The following CRYBG3 variants were observed in gnomAD, a reference collection of about 807,000 sequenced individuals.
The protein encoded by CRYBG3 is very large A-kinase anchor protein.
CRYBG3 carries 127 observed loss-of-function variants against 244.2 expected under a neutral mutation model. The ratio of observed to expected loss-of-function variants is 0.52; its 90% confidence interval spans 0.45 to 0.60. The LOEUF (loss-of-function observed/expected upper bound fraction) is 0.60. Ranked by LOEUF, CRYBG3 falls within the 20% of genes least tolerant of loss-of-function variation. CRYBG3 has a pLI of 0.00. For missense variants in CRYBG3, 3,325 were observed against 3,442.5 expected (o/e 0.97, Z 0.85); for synonymous variants, 1,132 against 1,195.8 (o/e 0.95, Z 1.10).
intron 10 of CRYBG3, among the ~76,000 whole-genome samples, chr3:97,891,023 T>G (rs2039569679): frequency 6.6e-6 from 1 of 152,192 alleles, no homozygotes; most frequent in African/African-American, 2.4e-5. Flanking sequence ...TAATTTCTTA[T>G]TTTTTAGGAA....
intron 6 of CRYBG3, among the ~76,000 whole-genome samples, 179 bp downstream of exon 6, chr3:97,880,279 A>G (rs1168902058): frequency 2.0e-5 from 3 of 152,142 alleles, no homozygotes; most frequent in East Asian, 1.9e-4. Flanking sequence ...TTTATTTACT[A>G]TGGCATAAAA....
chr3:97,908,327 G>T (rs914912077), intron 15 of CRYBG3, among the ~76,000 whole-genome samples: 3 of 152,156 alleles, frequency 2.0e-5, no homozygotes, highest in African/African-American at 7.2e-5. Context: ...TCGTTGATCT[G>T]TCTAATGTTG....
Position 97,822,078 on chromosome 3 carries a change from C to T in CRYBG3, c.-129C>T. ...TTCTCCTGCCCGAGAGAGACTGAGC[C>T]GCGCTGGCAGCTCGCGTCGAGTCGG... On this transcript the variant is annotated 5_prime_UTR_variant, in exon 1 of 22. Coordinates refer to ENST00000389622, the MANE Select transcript of CRYBG3 (RefSeq NM_153605.4). 1 of 730,192 alleles carries T rather than the reference C, an allele frequency of 1.4e-6. No homozygotes were observed. Among genetic ancestry groups the T allele is most frequent in the Non-Finnish European group, 1.9e-6 (1 of 515,582 alleles). 45.2% of individuals were successfully genotyped at this position (730,192 alleles called of 1,614,324 possible).
rs746493073 is a variant in CRYBG3, at chr3:97,877,875, T to C, written c.6681T>C (p.Ser2227=). The C allele has an allele frequency of 1.2e-6, 2 of 1,614,132 alleles. No individual in the cohort carries two copies. The highest frequency in any genetic ancestry group is 2.2e-5 in the South Asian group (2 of 91,068). Residue 2227 remains serine (S), a synonymous_variant, in exon 4 of 22, where the codon TCT becomes TCC. Coordinates refer to ENST00000389622, the MANE Select transcript of CRYBG3 (RefSeq NM_153605.4). Reference sequence around the variant, plus strand: ...TTCTCCAGAAATCTGACCTTACTTCTAAACTACATTCTTCTTTAAAGAGTG... The same window carrying C: ...TTCTCCAGAAATCTGACCTTACTTCCAAACTACATTCTTCTTTAAAGAGTG... ...TSFLQKSDLT[S]KLHSSLKSAY...
intron 8 of CRYBG3, 72 bp from the exon 9 acceptor site, chr3:97,888,269 A>T: frequency 1.2e-6 from 1 of 867,070 alleles, no homozygotes; most frequent in Non-Finnish European, 1.8e-6. Flanking sequence ...TTATTTTGGT[A>T]GCCCTTTTTA....
Position 97,879,734 on chromosome 3 carries a change from C to A in CRYBG3, c.6874C>A (p.Pro2292Thr). Residue 2292 changes from proline (P) to threonine (T), a missense_variant, in exon 5 of 22, where the codon CCA (proline) becomes ACA (threonine). Pro to Thr is a conservative substitution (Grantham distance 38). This residue lies in a region of CRYBG3 where 714 missense variants were observed against 803.6 expected (regional missense o/e 0.89). Transcript: ENST00000389622. ...NVDKQTLRCN[P>T]RPGKMVIYDL... is the part of the protein sequence containing the mutation. ...TGACAAACAAACTCTGAGATGTAAC[C>A]CAAGACCTGGGAAGGTAAGGATAAC... 6.2e-7 allele frequency: 1 copy of A among 1,601,696 alleles called. No homozygotes were observed. The highest frequency in any genetic ancestry group is 1.1e-5 in the South Asian group (1 of 88,044).
Position 97,876,476 on chromosome 3 carries a change from A to G in CRYBG3, c.5282A>G (p.Glu1761Gly). The G allele has an allele frequency of 8.1e-7, 1 of 1,232,124 alleles. No individual in the cohort carries two copies. The highest frequency in any genetic ancestry group is 1.0e-6 in the Non-Finnish European group (1 of 987,948). 76.3% of individuals were successfully genotyped at this position (1,232,124 alleles called of 1,614,324 possible). ...GKTEVMPLAL[E>G]VVNTYQKNAK... Reference sequence around the variant, plus strand: ...ACTGAGGTGATGCCCCTTGCATTAGAGGTAGTAAATACTTACCAAAAAAAT... The same window carrying G: ...ACTGAGGTGATGCCCCTTGCATTAGGGGTAGTAAATACTTACCAAAAAAAT... The change falls in exon 4 of 22, where the codon GAG becomes GGG. Residue 1761 changes from glutamate (E) to glycine (G), a missense_variant. Around this residue, in one of 4 missense-constraint regions of CRYBG3, gnomAD observed 635 missense variants for 771.7 expected, o/e 0.82. Transcript: ENST00000389622.
chr3:97,942,172 GAC>G (rs975957491), intron 20 of CRYBG3, 110 bp from the exon 21 acceptor site: 55 of 835,012 alleles, frequency 6.6e-5, no homozygotes, highest in South Asian at 7.9e-5. Context: ...TTTTAGATAA[GAC>G]ACACACACAC....
rs769036961 is a variant in CRYBG3, at chr3:97,899,301, T to TAATA, written c.7971+39_7971+42dup. On this transcript the variant is annotated intron_variant, in intron 14 of 21. Transcript: ENST00000389622. ...TGAACATAGCCAGTGCTGCATCATG[T>TAATA]AATAGTATGCAATTAAATATGTGGA... The TAATA allele has an allele frequency of 9.5e-5, 150 of 1,582,768 alleles. 1 individual carries two copies. In the South Asian group the frequency reaches 1.5e-3, roughly 16 times the overall value.
intron 1 of CRYBG3, among the ~76,000 whole-genome samples, chr3:97,832,734 T>A (rs2038671759): frequency 6.6e-6 from 1 of 152,042 alleles, no homozygotes; most frequent in Non-Finnish European, 1.5e-5. Context: ...CTAATTAAAC[T>A]AAAGAGCTTC....
At chr3:97,901,842 G>A (rs1051427611) in intron 15 of CRYBG3, among the ~76,000 whole-genome samples, 2 of 152,092 alleles carry the variant, frequency 1.3e-5, no homozygotes, top group Non-Finnish European at 2.9e-5. Context: ...TTGAAGAGAG[G>A]AAGCAGCAGA....
At chr3:97,910,089 G>A (rs528030250) in intron 15 of CRYBG3, among the ~76,000 whole-genome samples, 1 of 151,832 alleles carries the variant, frequency 6.6e-6, no homozygotes, top group East Asian at 1.9e-4. Flanking sequence ...CCCACTTGAG[G>A]AGGCAGTCTG....
At chr3:97,868,466 T>C (rs1045032742) in intron 3 of CRYBG3, among the ~76,000 whole-genome samples, 2 of 152,164 alleles carry the variant, frequency 1.3e-5, no homozygotes, top group African/African-American at 4.8e-5. Context: ...GCTGAACTTG[T>C]CACTTTGATT....
In CRYBG3 at chr3:97,877,345, C is replaced by T. The variant is rs764798623; in HGVS notation, c.6151C>T (p.His2051Tyr). The T allele has an allele frequency of 1.9e-6, 3 of 1,614,064 alleles. No individual in the cohort carries two copies. The highest frequency in any genetic ancestry group is 2.2e-5 in the South Asian group (2 of 91,072). ...TGAGAGTAGAACTGACCTTGTCCAT[C>T]ACTTTGAAAAAGGTACTAAATTAGG... ...RSESRTDLVH[H>Y]FEKGTKLGET... The change falls in exon 4 of 22, where the codon CAC becomes TAC. Residue 2051 changes from histidine to tyrosine, a missense_variant. Coordinates refer to ENST00000389622, the MANE Select transcript of CRYBG3 (RefSeq NM_153605.4).
intron 16 of CRYBG3, among the ~76,000 whole-genome samples, chr3:97,913,291 C>A (rs1249464147): frequency 6.6e-6 from 1 of 152,152 alleles, no homozygotes; most frequent in Non-Finnish European, 1.5e-5. Flanking sequence ...CTATCCATTT[C>A]CCATCCTATT....
In CRYBG3 at chr3:97,877,338, T is replaced by C; in HGVS notation, c.6144T>C (p.Leu2048=). ...AAAGGTCTGAGAGTAGAACTGACCTTGTCCATCACTTTGAAAAAGGTACTA... is the reference window on the plus strand; with the variant it reads ...AAAGGTCTGAGAGTAGAACTGACCTCGTCCATCACTTTGAAAAAGGTACTA... ...ACERSESRTD[L]VHHFEKGTKL... Residue 2048 remains leucine, a synonymous_variant, in exon 4 of 22, where the codon CTT becomes CTC. Coordinates refer to ENST00000389622, the MANE Select transcript of CRYBG3 (RefSeq NM_153605.4). 6.2e-7 allele frequency: 1 copy of C among 1,614,188 alleles called. No homozygotes were observed. Among genetic ancestry groups the C allele is most frequent in the Middle Eastern group, 1.7e-4 (1 of 6,060 alleles).
intron 2 of CRYBG3, among the ~76,000 whole-genome samples, chr3:97,863,557 T>C (rs905515814): frequency 4.6e-5 from 7 of 152,096 alleles, no homozygotes; most frequent in African/African-American, 1.7e-4. Flanking sequence ...TGAACTGAAG[T>C]ACCATGTTAC....
In CRYBG3 at chr3:97,864,568, T is replaced by A. The variant is rs77115127; in HGVS notation, c.568T>A (p.Ser190Thr). 3.3e-5 allele frequency: 51 copies of A among 1,535,718 alleles called. No individual in the cohort carries two copies. In the East Asian group the frequency reaches 1.2e-3, roughly 37 times the overall value. The change falls in exon 3 of 22, where the codon TCT becomes ACT. Residue 190 changes from serine (S) to threonine (T), a missense_variant. Coordinates refer to ENST00000389622, the MANE Select transcript of CRYBG3 (RefSeq NM_153605.4). Reference protein sequence around the residue: ...TQTHPTEEQDSNSSELSDAFS... With the variant: ...TQTHPTEEQDTNSSELSDAFS... ...GACACATCCAACAGAAGAACAAGAC[T>A]CTAACTCATCCGAACTCTCAGATGC... is the stretch of plus-strand genomic sequence containing the variant.
At chr3:97,878,066 A>G (rs773363339) in intron 4 of CRYBG3, 29 bp downstream of exon 4, 3 of 1,537,386 alleles carry the variant, frequency 2.0e-6, no homozygotes, top group Non-Finnish European at 2.6e-6. Flanking sequence ...TGTATTAATA[A>G]TAGTTATTAA....
Sources: gnomAD v4.1 joint callset for allele counts (sites outside exome capture counted in the v4.1 genomes callset) on GRCh38, gnomAD v4.1.1 for gene constraint, gnomAD v4.1.1 regional missense constraint, MANE v1.5 for transcripts, NCBI Gene and HGNC (gene_info 2026-07-23, HGNC 2026-07-21) for gene names.